COL27A1: variants seen among roughly 807,000 people sequenced by gnomAD.
COL27A1 encodes the protein collagen type XXVII alpha 1 chain, also known as collagen alpha-1(XXVII) chain.
In COL27A1, 106 loss-of-function variants were observed where a neutral mutation model predicts 251.3. The observed-to-expected ratio is 0.42, with a 90% CI of 0.36 to 0.50. The LOEUF is 0.50. Ranked by LOEUF, COL27A1 falls within the 20% of genes least tolerant of loss-of-function variation. The pLI is 0.00. For missense variants in COL27A1, 2,325 were observed against 2,522.8 expected, an observed-to-expected ratio of 0.92 and a Z score of 1.68; for synonymous variants, 1,000 against 986.3, an observed-to-expected ratio of 1.01 and a Z score of -0.26.
chr9:114,204,965 C>T, intron 7 of COL27A1, 137 bp from the exon 8 acceptor site: 1 of 709,104 alleles, frequency 1.4e-6, no homozygotes, highest in Admixed American at 2.3e-5. Flanking sequence ...ATCTGGGGAA[C>T]CTTTACTGAG....
At position 114,265,481 on chromosome 9, in the gene COL27A1, A is replaced by G. The variant is rs759349294; in HGVS notation, c.3393+6A>G. ...AGGGCCTCCCAGGAGAACCGGTAAG[A>G]GCCCTTTCCTTCCCTCTTCTGCTTC... On this transcript the variant is annotated splice_donor_region_variant and intron_variant, in intron 32 of 60. Transcript: ENST00000356083. 7 of 1,613,490 alleles carry G rather than the reference A, an allele frequency of 4.3e-6. No individual in the cohort carries two copies. Among genetic ancestry groups the G allele is most frequent in the South Asian group, 1.1e-5 (1 of 91,064 alleles).
chr9:114,268,141 A>G (rs2135615096), intron 34 of COL27A1, among the ~76,000 whole-genome samples: 1 of 152,336 alleles, frequency 6.6e-6, no homozygotes, highest in Non-Finnish European at 1.5e-5. Flanking sequence ...TCCCTTGCTC[A>G]AACACCAATG....
chr9:114,284,397 A>C (rs1827312450), intron 40 of COL27A1, among the ~76,000 whole-genome samples: 1 of 152,236 alleles, frequency 6.6e-6, no homozygotes, highest in South Asian at 2.1e-4. Flanking sequence ...AAGCCTGGGA[A>C]GGTCTGTTGA....
At chr9:114,197,680 AC>A (rs1358630183) in intron 7 of COL27A1, among the ~76,000 whole-genome samples, 1 of 152,022 alleles carries the variant, frequency 6.6e-6, no homozygotes, top group Non-Finnish European at 1.5e-5. Context: ...GAGGCCAAGG[AC>A]CCCCAACCAA....
intron 14 of COL27A1, among the ~76,000 whole-genome samples, chr9:114,226,969 G>A (rs1419909347): frequency 6.6e-6 from 1 of 152,208 alleles, no homozygotes; most frequent in Non-Finnish European, 1.5e-5. Flanking sequence ...ACCTGGTCTT[G>A]GGGTCAGGGA....
At chr9:114,157,179 G>A (rs187175764) in intron 1 of COL27A1, among the ~76,000 whole-genome samples, 1 of 152,228 alleles carries the variant, frequency 6.6e-6, no homozygotes, top group East Asian at 1.9e-4. Flanking sequence ...GTAGATGCCA[G>A]CAGTTGGGCA....
intron 12 of COL27A1, among the ~76,000 whole-genome samples, chr9:114,216,746 T>G (rs1308285649): frequency 6.6e-6 from 1 of 152,142 alleles, no homozygotes; most frequent in Non-Finnish European, 1.5e-5. Flanking sequence ...AGAGGTCATC[T>G]GCTTGACCCC....
chr9:114,275,844 C>A, intron 37 of COL27A1, 76 bp downstream of exon 37: 3 of 971,574 alleles, frequency 3.1e-6, no homozygotes, highest in Non-Finnish European at 4.5e-6. Flanking sequence ...GGCGGCTGGG[C>A]GGGAGGGCTT....
At chr9:114,275,830 T>C in intron 37 of COL27A1, 62 bp downstream of exon 37, 1 of 1,119,922 alleles carries the variant, frequency 8.9e-7, no homozygotes, top group Non-Finnish European at 1.3e-6. Context: ...CTCATGCCTG[T>C]GCAGGCGGCT....
In COL27A1 at chr9:114,289,299, A is replaced by G. The variant is rs1827743743; in HGVS notation, c.4206+4A>G. On this transcript the variant is annotated splice_donor_region_variant and intron_variant, in intron 45 of 60. Transcript: ENST00000356083. ...CAAAGGATCGAAAGGCGCAGAGGTA[A>G]GAGGGCCGGGGGTTCAGCAGGGAGA... The G allele has an allele frequency of 6.3e-7, 1 of 1,583,258 alleles. No homozygotes were observed. The highest frequency in any genetic ancestry group is 8.6e-7 in the Non-Finnish European group (1 of 1,168,060).
intron 37 of COL27A1, among the ~76,000 whole-genome samples, chr9:114,279,300 C>G (rs1312252818): frequency 6.6e-6 from 1 of 152,172 alleles, no homozygotes; most frequent in Non-Finnish European, 1.5e-5. Context: ...AGCTCCAAAA[C>G]GGGATAAATA....
At chr9:114,235,469 GGCT>G in intron 16 of COL27A1, 127 bp from the exon 17 acceptor site, 1 of 776,564 alleles carries the variant, frequency 1.3e-6, no homozygotes, top group Non-Finnish European at 2.4e-6. Flanking sequence ...CCTCTCACAA[GGCT>G]GCTGCTGGCC....
At chr9:114,205,732 C>T in intron 8 of COL27A1, 27 bp from the exon 9 acceptor site, 4 of 1,612,172 alleles carry the variant, frequency 2.5e-6, no homozygotes, top group Non-Finnish European at 3.4e-6. Flanking sequence ...CTTTCTTTTC[C>T]TTATGTTTCT....
chr9:114,183,597 C>T (rs1192341119), intron 5 of COL27A1, among the ~76,000 whole-genome samples: 1 of 151,970 alleles, frequency 6.6e-6, no homozygotes, highest in Non-Finnish European at 1.5e-5. Context: ...GTGGTGGGTG[C>T]AAGGTGAGAG....
Position 114,155,914 on chromosome 9 carries a change from G to GC in COL27A1, c.-31dup, listed in dbSNP as rs754388271. 5 of 1,211,088 alleles carry GC rather than the reference G, an allele frequency of 4.1e-6. No homozygotes were observed. The African/African-American group carries it at 4.7e-5, about 11-fold the overall frequency. The allele number at this position is 1,211,088 out of a possible 1,614,324, so 75.0% of individuals were successfully genotyped here. A position where few individuals can be genotyped will look rare whatever the true frequency, so the allele number is the denominator to read the frequency against. On this transcript the variant is annotated 5_prime_UTR_variant, in exon 1 of 61. The change abolishes the stop of an existing upstream ORF in the 5' untranslated region. Transcript: ENST00000356083. This position sits in a 1 kb window ranked among gnomAD's most constrained non-coding sequence, Gnocchi z 5.5. ...GGCCCCATGGGGCGCGCCCACACTT[G>GC]CCCCCCGGGCTCGGGAGCATGAAGT...
intron 39 of COL27A1, among the ~76,000 whole-genome samples, chr9:114,283,290 A>G (rs1270914952): frequency 6.6e-6 from 1 of 152,232 alleles, no homozygotes. Flanking sequence ...CACAGATGCA[A>G]TAGACCAAAA....
Position 114,310,827 on chromosome 9 carries a change from G to A in COL27A1, c.*132G>A. 1 of 864,862 alleles carries A rather than the reference G, an allele frequency of 1.2e-6. No individual in the cohort carries two copies. The highest frequency in any genetic ancestry group is 1.8e-6 in the Non-Finnish European group (1 of 565,984). 53.6% of individuals were successfully genotyped at this position (864,862 alleles called of 1,614,324 possible). A position where few individuals can be genotyped will look rare whatever the true frequency, so the allele number is the denominator to read the frequency against. On this transcript the variant is annotated 3_prime_UTR_variant, in exon 61 of 61. Transcript: ENST00000356083. ...AAGGGTCCTTGGGCAGACCCCAGCT[G>A]TTGTCTGCCCAGTAGAAGTGGGTGG...
intron 14 of COL27A1, among the ~76,000 whole-genome samples, chr9:114,226,824 T>A (rs920962631): frequency 6.6e-6 from 1 of 152,204 alleles, no homozygotes; most frequent in African/African-American, 2.4e-5. Flanking sequence ...GGTGAGGTCC[T>A]CAGAGCAGGC....
intron 2 of COL27A1, among the ~76,000 whole-genome samples, chr9:114,165,607 A>G (rs985940248): frequency 1.3e-5 from 2 of 148,590 alleles, no homozygotes; most frequent in African/African-American, 5.0e-5. Flanking sequence ...CCATCCATAC[A>G]TTTATCTGCC....
Sources: allele counts gnomAD v4.1 joint callset (sites outside exome capture counted in the v4.1 genomes callset), GRCh38; gene constraint gnomAD v4.1.1; non-coding constraint Gnocchi (gnomAD v3.1); transcripts MANE v1.5; gene names NCBI Gene and HGNC (gene_info 2026-07-23, HGNC 2026-07-21).